REV3L: variants seen among roughly 807,000 people sequenced by gnomAD.
The protein encoded by REV3L is REV3 like, DNA directed polymerase zeta catalytic subunit.
REV3L carries 69 observed loss-of-function variants against 299.4 expected under a neutral mutation model. That is an observed-to-expected ratio of 0.23 (90% CI 0.19 to 0.28). REV3L has a LOEUF of 0.28. REV3L is among the 10% of genes least tolerant of loss of function. REV3L has a pLI of 1.00. For missense variants in REV3L, 3,128 were observed against 3,693.8 expected, an observed-to-expected ratio of 0.85 and a Z score of 3.97; for synonymous variants, 1,238 against 1,271.4, an observed-to-expected ratio of 0.97 and a Z score of 0.56.
At chr6:111,307,725 A>T (rs1166362385) in intron 30 of REV3L, 155 bp from the exon 31 acceptor site, 1 of 645,850 alleles carries the variant, frequency 1.5e-6, no homozygotes, top group Admixed American at 2.7e-5. Context: ...GCACTGTTCC[A>T]GACACTGGAG....
chr6:111,385,770 A>C (rs1229324240), intron 9 of REV3L, among the ~76,000 whole-genome samples: 15 of 152,180 alleles, frequency 9.9e-5, no homozygotes, highest in Admixed American at 9.2e-4. Context: ...CCTACAAATA[A>C]GAAAAAGACA....
Position 111,374,172 on chromosome 6 carries a change from A to G in REV3L, c.4183T>C (p.Ser1395Pro). 1 of 1,614,076 alleles carries G rather than the reference A, an allele frequency of 6.2e-7. No homozygotes were observed. The highest frequency in any genetic ancestry group is 8.5e-7 in the Non-Finnish European group (1 of 1,179,964). The stretch of plus-strand genomic sequence containing the variant: ...TATTCACTTAACTTTCCGATTGATG[A>G]CAAATAGTTTCTTTGTATATTATTT... ...NANNIQRNYL[S>P]SIGKLSEYRN... Residue 1395 changes from serine (S) to proline (P), a missense_variant, in exon 13 of 32, where the codon TCA becomes CCA. Coordinates refer to ENST00000368802, the MANE Select transcript of REV3L (RefSeq NM_001372078.1).
intron 21 of REV3L, among the ~76,000 whole-genome samples, chr6:111,342,284 C>T (rs1213159409): frequency 6.6e-6 from 1 of 152,116 alleles, no homozygotes; most frequent in East Asian, 1.9e-4. Context: ...GGTCAGGAAG[C>T]TTACTTGGGC....
chr6:111,474,957 A>T (rs1046558280), intron 1 of REV3L, among the ~76,000 whole-genome samples: 1 of 150,150 alleles, frequency 6.7e-6, no homozygotes, highest in African/African-American at 2.5e-5. Context: ...GTATCCTCCC[A>T]TGCACATTAC....
At position 111,455,676 on chromosome 6, in the gene REV3L, C is replaced by T. The variant is rs186796318; in HGVS notation, c.139+27074G>A. ...GACAGAGAATGGACTTGAAAGTCCA[C>T]AAACTACATGTAAGTGATTGTTACC... On this transcript the variant is annotated intron_variant, in intron 1 of 31. Transcript: ENST00000368802. 3.5e-4 allele frequency among the ~76,000 whole-genome samples: 53 copies of T among 152,180 alleles called. 1 individual carries two copies. The East Asian group carries it at 8.9e-3, about 26-fold the overall frequency.
At chr6:111,300,211 C>T in intron 31 of REV3L, 55 bp from the exon 32 acceptor site, 3 of 1,418,210 alleles carry the variant, frequency 2.1e-6, no homozygotes, top group East Asian at 2.4e-5. Context: ...TGCGTGTATG[C>T]AAACAACAAA....
At chr6:111,385,982 C>T (rs1288815333) in intron 9 of REV3L, among the ~76,000 whole-genome samples, 1 of 152,152 alleles carries the variant, frequency 6.6e-6, no homozygotes, top group South Asian at 2.1e-4. Context: ...TGAGGCTTTG[C>T]TTGCCTAGTA....
At chr6:111,350,061 T>C (rs936589376) in intron 19 of REV3L, among the ~76,000 whole-genome samples, 3 of 152,224 alleles carry the variant, frequency 2.0e-5, no homozygotes, top group Non-Finnish European at 2.9e-5. Context: ...ATATTTACCA[T>C]ATTGAAGGTT....
chr6:111,355,754 AC>A (rs1367795068), intron 18 of REV3L, among the ~76,000 whole-genome samples: 1 of 152,156 alleles, frequency 6.6e-6, no homozygotes, highest in Non-Finnish European at 1.5e-5. Flanking sequence ...TGAAACTCTT[AC>A]ATATTTCTTT....
In REV3L at chr6:111,363,964, T is replaced by C; in HGVS notation, c.6768A>G (p.Ala2256=). 6.2e-7 allele frequency: 1 copy of C among 1,608,598 alleles called. No homozygotes were observed. The highest frequency in any genetic ancestry group is 8.5e-7 in the Non-Finnish European group (1 of 1,178,280). ...LLTQAKNQFA[A]VNTPQKETSQ... ...AAGTTTCTTTCTGTGGGGTATTTACTGCTGCAAATTGATTCTATAAAAAAA... is the reference window on the plus strand; with the variant it reads ...AAGTTTCTTTCTGTGGGGTATTTACCGCTGCAAATTGATTCTATAAAAAAA... The change falls in exon 16 of 32, where the codon GCA becomes GCG. Residue 2256 remains alanine (A), a synonymous_variant. Coordinates refer to ENST00000368802, the MANE Select transcript of REV3L (RefSeq NM_001372078.1).
chr6:111,329,790 A>G lies in REV3L; in HGVS notation c.8035-52T>C, dbSNP rs749343356. 3 of 1,357,530 alleles carry G rather than the reference A, an allele frequency of 2.2e-6. No individual in the cohort carries two copies. In the Admixed American group the frequency reaches 5.6e-5, roughly 25 times the overall value. The allele number at this position is 1,357,530 out of a possible 1,614,324, so 84.1% of individuals were successfully genotyped here. On this transcript the variant is annotated intron_variant, in intron 24 of 31. Coordinates refer to ENST00000368802, the MANE Select transcript of REV3L (RefSeq NM_001372078.1). The stretch of plus-strand genomic sequence containing the variant: ...AACCCCTCAAACATTATAGATTTAC[A>G]TAATTAAGAAGGAAGCATAAAACAT...
chr6:111,310,717 T>TA (rs1772881229), intron 29 of REV3L: 1 of 189,956 alleles, frequency 5.3e-6, no homozygotes, highest in Non-Finnish European at 1.1e-5. Flanking sequence ...TCATGAAAGA[T>TA]AAGAGAAAAT....
chr6:111,313,687 T>A (rs1160518755), intron 27 of REV3L, among the ~76,000 whole-genome samples, 198 bp from the exon 28 acceptor site: 1 of 152,220 alleles, frequency 6.6e-6, no homozygotes, highest in Non-Finnish European at 1.5e-5. Flanking sequence ...ACTTGCTCAC[T>A]CCTTTTCTTG....
intron 27 of REV3L, among the ~76,000 whole-genome samples, chr6:111,314,555 T>G (rs1773317343): frequency 6.6e-6 from 1 of 152,160 alleles, no homozygotes; most frequent in South Asian, 2.1e-4. Flanking sequence ...TAAGCAAGCT[T>G]CAGATGGTTT....
chr6:111,315,300 G>A lies in REV3L; in HGVS notation c.8433C>T (p.Thr2811=). ...GQEIAEAVTA[T]NPKPVKLKFE... Reference sequence around the variant, plus strand: ...ACTTCAATTTCACTGGTTTAGGATTGGTAGCAGTTACAGCTTCGGCAATTT... The same window carrying A: ...ACTTCAATTTCACTGGTTTAGGATTAGTAGCAGTTACAGCTTCGGCAATTT... The change falls in exon 27 of 32, where the codon ACC becomes ACT. Residue 2811 remains threonine, a synonymous_variant. Transcript: ENST00000368802. 6.2e-7 allele frequency: 1 copy of A among 1,613,958 alleles called. No homozygotes were observed. Among genetic ancestry groups the A allele is most frequent in the Non-Finnish European group, 8.5e-7 (1 of 1,179,956 alleles).
chr6:111,434,763 G>T (rs945120435), intron 1 of REV3L, among the ~76,000 whole-genome samples: 2 of 149,480 alleles, frequency 1.3e-5, no homozygotes, highest in African/African-American at 4.9e-5. Flanking sequence ...TAACTACAAA[G>T]AATAGAAAAT....
intron 1 of REV3L, among the ~76,000 whole-genome samples, chr6:111,422,051 C>A (rs1437023168): frequency 6.6e-6 from 1 of 152,006 alleles, no homozygotes; most frequent in East Asian, 1.9e-4. Context: ...GTACTCTTAG[C>A]CTTGGAAATT....
In REV3L at chr6:111,365,298, G is replaced by C; in HGVS notation, c.6720C>G (p.Asp2240Glu). The change falls in exon 15 of 32, where the codon GAC (aspartate) becomes GAG (glutamate). Residue 2240 changes from aspartate (D) to glutamate (E), a missense_variant. Physicochemically the swap from Asp to Glu is conservative, Grantham distance 45 (BLOSUM62 2). Around this residue, in one of 9 missense-constraint regions of REV3L, gnomAD observed 2,409 missense variants for 2,611.8 expected, o/e 0.92. Coordinates refer to ENST00000368802, the MANE Select transcript of REV3L (RefSeq NM_001372078.1). ...KLSNKKGSNT[D>E]TLRRVLLTQA... Reference sequence around the variant, plus strand: ...GTGTTAACAGTACTCTTCTAAGAGTGTCAGTATTACTTCCTTTCTTATTAC... The same window carrying C: ...GTGTTAACAGTACTCTTCTAAGAGTCTCAGTATTACTTCCTTTCTTATTAC... 1 of 1,571,738 alleles carries C rather than the reference G, an allele frequency of 6.4e-7. No individual in the cohort carries two copies. The highest frequency in any genetic ancestry group is 8.6e-7 in the Non-Finnish European group (1 of 1,159,608).
intron 1 of REV3L, among the ~76,000 whole-genome samples, chr6:111,457,970 T>C (rs1243312276): frequency 6.6e-6 from 1 of 151,746 alleles, no homozygotes; most frequent in African/African-American, 2.4e-5. Flanking sequence ...ATAAATTAAA[T>C]GAACAAAGGA....
Sources: allele counts gnomAD v4.1 joint callset (sites outside exome capture counted in the v4.1 genomes callset), GRCh38; gene constraint gnomAD v4.1.1; regional missense constraint gnomAD v4.1.1; transcripts MANE v1.5; gene names NCBI Gene and HGNC (gene_info 2026-07-23, HGNC 2026-07-21).